The following KIF2C variants were observed in gnomAD, a reference collection of about 807,000 sequenced individuals.
KIF2C encodes kinesin family member 2C.
Under a neutral mutation model 97.4 loss-of-function variants are expected in KIF2C, and 34 were observed. The observed-to-expected ratio is 0.35, with a 90% confidence interval of 0.27 to 0.46. The LOEUF is 0.46. Among genes scored for constraint, KIF2C ranks in the 20% least tolerant of loss-of-function variants. The pLI is 1.00. For synonymous variants in KIF2C, 313 were observed against 318.2 expected, an observed-to-expected ratio of 0.98 and a Z score of 0.17; for missense variants, 750 against 907.6, an observed-to-expected ratio of 0.83 and a Z score of 2.23.
At chr1:44,765,443 G>T (rs1412416038) in intron 19 of KIF2C, among the ~76,000 whole-genome samples, 1 of 150,942 alleles carries the variant, frequency 6.6e-6, no homozygotes, top group African/African-American at 2.5e-5. Flanking sequence ...ATGTACCCTA[G>T]AACTTAAAGT....
chr1:44,756,347 C>T (rs751412402), intron 10 of KIF2C, 110 bp downstream of exon 10: 24 of 1,160,564 alleles, frequency 2.1e-5, no homozygotes, highest in South Asian at 5.6e-5. Context: ...GGCTCTTCCT[C>T]GCTTCTTGTG....
chr1:44,759,123 C>T, intron 13 of KIF2C, 83 bp from the exon 14 acceptor site: 1 of 1,563,406 alleles, frequency 6.4e-7, no homozygotes, highest in South Asian at 1.1e-5. Context: ...CTTGTCCGAG[C>T]TGGGCAGGCT....
Position 44,762,632 on chromosome 1 carries a change from A to G in KIF2C, c.1945A>G (p.Met649Val), listed in dbSNP as rs779959168. Residue 649 changes from methionine to valine, a missense_variant, in exon 19 of 21, where the codon ATG becomes GTG. By Grantham distance (21) the Met-to-Val change is conservative. Transcript: ENST00000372224. ...GATCAGGGAGCTGGAGGAGAAGGCTATGGAAGAGCTCAAGGAGATCATACA... is the reference window on the plus strand; with the variant it reads ...GATCAGGGAGCTGGAGGAGAAGGCTGTGGAAGAGCTCAAGGAGATCATACA... Reference protein sequence around the residue: ...TQIRELEEKAMEELKEIIQQG... With the variant: ...TQIRELEEKAVEELKEIIQQG... 1.2e-6 allele frequency: 2 copies of G among 1,613,994 alleles called. No homozygotes were observed. Among genetic ancestry groups the G allele is most frequent in the South Asian group, 2.2e-5 (2 of 91,078 alleles).
chr1:44,758,405 G>C (rs1261762133), intron 13 of KIF2C, among the ~76,000 whole-genome samples: 1 of 152,020 alleles, frequency 6.6e-6, no homozygotes, highest in African/African-American at 2.4e-5. Flanking sequence ...TCCCTCGGCC[G>C]ACCTCCTTCA....
Position 44,762,674 on chromosome 1 carries a change from T to G in KIF2C, c.1971+16T>G. On this transcript the variant is annotated intron_variant, in intron 19 of 20. Coordinates refer to ENST00000372224, the MANE Select transcript of KIF2C (RefSeq NM_006845.4). ...GATCATACAGGTAGGCAGCTGGCCC[T>G]GGACAGGGAGCTGGATGCAGCACGG... is the stretch of plus-strand genomic sequence containing the variant. 1 of 1,563,768 alleles carries G rather than the reference T, an allele frequency of 6.4e-7. No individual in the cohort carries two copies. Among genetic ancestry groups the G allele is most frequent in the Non-Finnish European group, 8.8e-7 (1 of 1,134,750 alleles).
Position 44,739,895 on chromosome 1 carries a change from T to G in KIF2C, c.-38T>G, listed in dbSNP as rs138942610. The G allele has an allele frequency of 6.3e-7, 1 of 1,579,746 alleles. No homozygotes were observed. Among genetic ancestry groups the G allele is most frequent in the Admixed American group, 1.7e-5 (1 of 59,980 alleles). The stretch of plus-strand genomic sequence containing the variant: ...GTAGGGTTAGCGAAATTGAGGTTTC[T>G]TGGTATTGCGCGTTTCTCTTCCTTG... On this transcript the variant is annotated 5_prime_UTR_variant, in exon 1 of 21. Coordinates refer to ENST00000372224, the MANE Select transcript of KIF2C (RefSeq NM_006845.4).
In KIF2C at chr1:44,766,913, C is replaced by G; in HGVS notation, c.2059C>G (p.Leu687Val). 2 of 1,614,242 alleles carry G rather than the reference C, an allele frequency of 1.2e-6. No homozygotes were observed. The highest frequency in any genetic ancestry group is 1.7e-6 in the Non-Finnish European group (2 of 1,180,040). The change falls in exon 20 of 21, where the codon CTG (leucine) becomes GTG (valine). Residue 687 changes from leucine to valine, a missense_variant. By Grantham distance (32) the Leu-to-Val change is conservative (BLOSUM62 1). Coordinates refer to ENST00000372224, the MANE Select transcript of KIF2C (RefSeq NM_006845.4). ...ETFVNKAESA[L>V]AQQAKHFSAL... ...CTTTGTGAACAAAGCGGAATCTGCTCTGGCCCAGCAAGCCAAGCATTTCTC... is the reference window on the plus strand; with the variant it reads ...CTTTGTGAACAAAGCGGAATCTGCTGTGGCCCAGCAAGCCAAGCATTTCTC...
intron 2 of KIF2C, among the ~76,000 whole-genome samples, chr1:44,742,195 C>T (rs1385916152): frequency 1.3e-5 from 2 of 151,714 alleles, no homozygotes; most frequent in African/African-American, 2.4e-5. Flanking sequence ...CTGCAAGCTC[C>T]GCCTCCCGGG....
intron 2 of KIF2C, among the ~76,000 whole-genome samples, chr1:44,744,076 TG>T (rs1436956818): frequency 6.2e-5 from 8 of 129,182 alleles, no homozygotes; most frequent in South Asian, 2.5e-4. Flanking sequence ...TTTCAAGCTC[TG>T]GTTTTTTTTT....
At chr1:44,764,211 C>T (rs1338462856) in intron 19 of KIF2C, among the ~76,000 whole-genome samples, 5 of 152,220 alleles carry the variant, frequency 3.3e-5, no homozygotes, top group African/African-American at 2.4e-5. Flanking sequence ...GAGTCTCACT[C>T]GTCACCCAGG....
chr1:44,756,860 G>C (rs550263646), intron 10 of KIF2C, among the ~76,000 whole-genome samples: 184 of 150,846 alleles, frequency 1.2e-3, no homozygotes, highest in African/African-American at 4.2e-3. Context: ...CCCCAGATCT[G>C]CTCTTTCTAA....
At position 44,741,026 on chromosome 1, in the gene KIF2C, C is replaced by T. The variant is rs1400688073; in HGVS notation, c.165+19C>T. The stretch of plus-strand genomic sequence containing the variant: ...CAAAGAGGTAGGTTCTATGAGAATT[C>T]CTCTACCACATTTAATGTCTTCCTA... On this transcript the variant is annotated intron_variant, in intron 2 of 20. Transcript: ENST00000372224. The T allele has an allele frequency of 2.6e-6, 4 of 1,559,856 alleles. No homozygotes were observed. Among genetic ancestry groups the T allele is most frequent in the South Asian group, 1.1e-5 (1 of 89,860 alleles).
At chr1:44,758,279 A>G in intron 13 of KIF2C, 139 bp downstream of exon 13, 1 of 706,414 alleles carries the variant, frequency 1.4e-6, no homozygotes, top group Non-Finnish European at 2.4e-6. Flanking sequence ...GCCCTGGCAT[A>G]CACATGTAGG....
intron 4 of KIF2C, among the ~76,000 whole-genome samples, chr1:44,749,410 G>C (rs1649390038): frequency 6.6e-6 from 1 of 151,934 alleles, no homozygotes; most frequent in Admixed American, 6.6e-5. Context: ...ACTCCAGCCT[G>C]GGTGACAGAG....
In KIF2C at chr1:44,754,822, C is replaced by T. The variant is rs1369193147; in HGVS notation, c.736C>T (p.His246Tyr). 13 of 1,609,900 alleles carry T rather than the reference C, an allele frequency of 8.1e-6. No individual in the cohort carries two copies. Among genetic ancestry groups the T allele is most frequent in the South Asian group, 1.1e-5 (1 of 90,998 alleles). Residue 246 changes from histidine (H) to tyrosine (Y), a missense_variant, in exon 8 of 21, where the codon CAT (histidine) becomes TAT (tyrosine). Coordinates refer to ENST00000372224, the MANE Select transcript of KIF2C (RefSeq NM_006845.4). ...IKEFRATLEC[H>Y]PLTMTDPIEE... is the part of the protein sequence containing the mutation. The stretch of plus-strand genomic sequence containing the variant: ...AGAATTTCGGGCTACTTTGGAATGT[C>T]ATCCACTTACTATGACTGATCCTGT...
Position 44,767,235 on chromosome 1 carries a change from C to A in KIF2C, c.*56C>A. 6.5e-7 allele frequency: 1 copy of A among 1,530,018 alleles called. No homozygotes were observed. Among genetic ancestry groups the A allele is most frequent in the Non-Finnish European group, 9.0e-7 (1 of 1,106,510 alleles). 94.8% of individuals were successfully genotyped at this position (1,530,018 alleles called of 1,614,324 possible). On this transcript the variant is annotated 3_prime_UTR_variant, in exon 21 of 21. Coordinates refer to ENST00000372224, the MANE Select transcript of KIF2C (RefSeq NM_006845.4). ...CACCCAGCCTCTTCCCTGGCCCTCC[C>A]CAGAGAACTTTGGGTACCTGGTGGG...
intron 2 of KIF2C, among the ~76,000 whole-genome samples, chr1:44,746,943 G>C (rs1649231447): frequency 6.6e-6 from 1 of 151,710 alleles, no homozygotes; most frequent in Non-Finnish European, 1.5e-5. Flanking sequence ...TGTTGCCCAG[G>C]CTGGAGGGCA....
chr1:44,754,896 G>C, intron 8 of KIF2C, 51 bp downstream of exon 8: 1 of 1,112,258 alleles, frequency 9.0e-7, no homozygotes, highest in Non-Finnish European at 1.4e-6. Context: ...TTGAGAGACA[G>C]AAAACTTCTC....
At chr1:44,762,750 C>A in intron 19 of KIF2C, 92 bp downstream of exon 19, 1 of 775,516 alleles carries the variant, frequency 1.3e-6, no homozygotes, top group East Asian at 2.5e-5. Flanking sequence ...GCCTTGTTCC[C>A]ACAGGTATTC....
Sources: gnomAD v4.1 joint callset for allele counts (sites outside exome capture counted in the v4.1 genomes callset) on GRCh38, gnomAD v4.1.1 for gene constraint, MANE v1.5 for transcripts, NCBI Gene and HGNC (gene_info 2026-07-23, HGNC 2026-07-21) for gene names.